MRPS22: variants seen among roughly 807,000 people sequenced by gnomAD.
MRPS22 encodes the protein mitochondrial ribosomal protein S22, also known as small ribosomal subunit protein mS22.
A neutral mutation model predicts 44.0 loss-of-function variants in MRPS22; 30 were observed. The ratio of observed to expected loss-of-function variants is 0.68; its 90% CI spans 0.51 to 0.93. The LOEUF (loss-of-function observed/expected upper bound fraction) is 0.93. MRPS22 is among the 40% of genes least tolerant of loss of function. The pLI, the probability that MRPS22 is intolerant of heterozygous loss-of-function variation, is 0.00. For synonymous variants in MRPS22, 165 were observed against 154.4 expected (o/e 1.07, Z -0.51); for missense variants, 447 against 447.8 (o/e 1.00, Z 0.02).
intron 1 of MRPS22, chr3:139,344,498 A>G (rs1941000772): frequency 4.9e-6 from 3 of 611,080 alleles, no homozygotes; most frequent in African/African-American, 1.8e-5. Context: ...TCCATGGGGA[A>G]TTGGCAGTGC....
At chr3:139,355,848 C>A in intron 7 of MRPS22, 58 bp downstream of exon 7, 1 of 1,254,538 alleles carries the variant, frequency 8.0e-7, no homozygotes, top group Non-Finnish European at 1.2e-6. Context: ...GGGAAAAATT[C>A]AGAATTGGGT....
At chr3:139,353,972 A>G (rs917468366) in intron 6 of MRPS22, among the ~76,000 whole-genome samples, 1 of 152,262 alleles carries the variant, frequency 6.6e-6, no homozygotes, top group African/African-American at 2.4e-5. Context: ...TTATTAGGAT[A>G]TATTAATGTA....
At chr3:139,350,535 C>A in intron 4 of MRPS22, 1 of 541,374 alleles carries the variant, frequency 1.8e-6, no homozygotes, top group Admixed American at 3.2e-5. Flanking sequence ...TCAAGTGATT[C>A]TTCTGCCTCA....
At chr3:139,356,697 G>GTGTT (rs1192797474) in intron 7 of MRPS22, among the ~76,000 whole-genome samples, 4 of 152,150 alleles carry the variant, frequency 2.6e-5, no homozygotes, top group African/African-American at 7.2e-5. Flanking sequence ...GATACTTCTG[G>GTGTT]TGTTTAGAAT....
At chr3:139,356,312 T>G (rs1941260622) in intron 7 of MRPS22, among the ~76,000 whole-genome samples, 2 of 152,232 alleles carry the variant, frequency 1.3e-5, no homozygotes, top group South Asian at 4.1e-4. Context: ...TGTACATTTA[T>G]CTGTAAGTGC....
Position 139,355,745 on chromosome 3 carries a change from TCAAGGGGC to T in MRPS22, c.948_955del (p.Ala317SerfsTer4). 6.2e-7 allele frequency: 1 copy of T among 1,614,172 alleles called. No homozygotes were observed. The highest frequency in any genetic ancestry group is 8.5e-7 in the Non-Finnish European group (1 of 1,180,014). On this transcript the variant is annotated frameshift_variant, in exon 7 of 8. Transcript: ENST00000680020. LOFTEE classifies it high-confidence loss of function. ...TGCTCCATCCAGATGGCCAGTCGGC[TCAAGGGGC>T]CAAGGATCAGGCTGCTGAGGGAATA...
chr3:139,356,611 TTCTC>T (rs763011820), intron 7 of MRPS22, among the ~76,000 whole-genome samples: 5 of 152,224 alleles, frequency 3.3e-5, no homozygotes, highest in Non-Finnish European at 7.3e-5. Flanking sequence ...GCCTCCAGAT[TTCTC>T]TCTAACCTAA....
In MRPS22 at chr3:139,355,768, C is replaced by T; in HGVS notation, c.965C>T (p.Ala322Val). 6.2e-7 allele frequency: 1 copy of T among 1,613,960 alleles called. No individual in the cohort carries two copies. The highest frequency in any genetic ancestry group is 8.5e-7 in the Non-Finnish European group (1 of 1,179,874). The change falls in exon 7 of 8, where the codon GCT (alanine) becomes GTT (valine). Residue 322 changes from alanine (A) to valine (V), a missense_variant. Ala to Val is a moderately conservative substitution (Grantham distance 64). Transcript: ENST00000680020. ...QSAQGAKDQAAEGINLIKVFA... is the reference protein window; with the variant it reads ...QSAQGAKDQAVEGINLIKVFA... The stretch of plus-strand genomic sequence containing the variant: ...GCTCAAGGGGCCAAGGATCAGGCTG[C>T]TGAGGGAATAAATTTAATCAAGGTA...
chr3:139,351,151 G>C, intron 5 of MRPS22, 91 bp downstream of exon 5: 2 of 947,670 alleles, frequency 2.1e-6, no homozygotes, highest in South Asian at 2.6e-5. Flanking sequence ...TGTAAGTTTT[G>C]ATACAGGGGA....
Position 139,355,688 on chromosome 3 carries a change from T to G in MRPS22, c.885T>G (p.Asp295Glu). The change falls in exon 7 of 8, where the codon GAT (aspartate) becomes GAG (glutamate). Residue 295 changes from aspartate to glutamate, a missense_variant. By Grantham distance (45) the Asp-to-Glu change is conservative. Coordinates refer to ENST00000680020, the MANE Select transcript of MRPS22 (RefSeq NM_020191.4). ...LIDQIQRDLIDDATNLVQLYH... is the reference protein window; with the variant it reads ...LIDQIQRDLIEDATNLVQLYH... ...TAAACCCTTTCATTCTCAGAATCGA[T>G]GATGCAACCAACTTGGTCCAGCTGT... The G allele has an allele frequency of 6.2e-7, 1 of 1,613,880 alleles. No individual in the cohort carries two copies. Among genetic ancestry groups the G allele is most frequent in the Non-Finnish European group, 8.5e-7 (1 of 1,179,768 alleles).
In MRPS22 at chr3:139,352,777, A is replaced by G. The variant is rs1218098973; in HGVS notation, c.863A>G (p.Gln288Arg). The G allele has an allele frequency of 1.2e-6, 2 of 1,613,370 alleles. No homozygotes were observed. Among genetic ancestry groups the G allele is most frequent in the Admixed American group, 1.7e-5 (1 of 60,014 alleles). ...AAGATTGATGGTTTGCTGATTGACC[A>G]GATTCAGAGAGATTTGTAAGTATGA... The part of the protein sequence containing the change: ...NKKIDGLLID[Q>R]IQRDLIDDAT... The change falls in exon 6 of 8, where the codon CAG becomes CGG. Residue 288 changes from glutamine (Q) to arginine (R), a missense_variant. Coordinates refer to ENST00000680020, the MANE Select transcript of MRPS22 (RefSeq NM_020191.4).
At chr3:139,356,345 AGGAAG>A (rs1387424683) in intron 7 of MRPS22, among the ~76,000 whole-genome samples, 2 of 152,210 alleles carry the variant, frequency 1.3e-5, no homozygotes, top group African/African-American at 2.4e-5. Context: ...TGATATTTTC[AGGAAG>A]GGAAGGGGAG....
rs1941240079 is a variant in MRPS22, at chr3:139,355,747, A to G, written c.944A>G (p.Gln315Arg). Residue 315 changes from glutamine (Q) to arginine (R), a missense_variant, in exon 7 of 8, where the codon CAA becomes CGA. By Grantham distance (43) the Gln-to-Arg change is conservative. Coordinates refer to ENST00000680020, the MANE Select transcript of MRPS22 (RefSeq NM_020191.4). ...CTCCATCCAGATGGCCAGTCGGCTC[A>G]AGGGGCCAAGGATCAGGCTGCTGAG... Reference protein sequence around the residue: ...HVLHPDGQSAQGAKDQAAEGI... With the variant: ...HVLHPDGQSARGAKDQAAEGI... 6.2e-7 allele frequency: 1 copy of G among 1,614,050 alleles called. No individual in the cohort carries two copies. The highest frequency in any genetic ancestry group is 1.7e-5 in the Admixed American group (1 of 60,012).
rs1656879119 is a variant in MRPS22 at position 139,357,102 on chromosome 3, A to AAAAG, written c.*90_*93dup. 9.2e-7 allele frequency: 1 copy of AAAAG among 1,090,164 alleles called. No individual in the cohort carries two copies. Among genetic ancestry groups the AAAAG allele is most frequent in the Admixed American group, 2.0e-5 (1 of 49,220 alleles). 67.5% of individuals were successfully genotyped at this position (1,090,164 alleles called of 1,614,324 possible). A position where few individuals can be genotyped will look rare whatever the true frequency, so the allele number is the denominator to read the frequency against. ...CTAAATGTTAAAAAATGGCCAGATT[A>AAAAG]AAAGATATCAATTTGTAGTTCTCCC... is the stretch of plus-strand genomic sequence containing the variant. On this transcript the variant is annotated 3_prime_UTR_variant, in exon 8 of 8. Coordinates refer to ENST00000680020, the MANE Select transcript of MRPS22 (RefSeq NM_020191.4).
chr3:139,357,113 A>C lies in MRPS22; in HGVS notation c.*99A>C. ...AAAATGGCCAGATTAAAAGATATCA[A>C]TTTGTAGTTCTCCCTACAAAGCAAA... On this transcript the variant is annotated 3_prime_UTR_variant, in exon 8 of 8. Transcript: ENST00000680020. 9.8e-7 allele frequency: 1 copy of C among 1,020,332 alleles called. No individual in the cohort carries two copies. Among genetic ancestry groups the C allele is most frequent in the Non-Finnish European group, 1.5e-6 (1 of 674,200 alleles). 63.2% of individuals were successfully genotyped at this position (1,020,332 alleles called of 1,614,324 possible).
intron 3 of MRPS22, 108 bp downstream of exon 3, chr3:139,348,432 C>G: frequency 1.8e-6 from 2 of 1,137,180 alleles, no homozygotes. Context: ...AACCAGATTT[C>G]CTCTGACTGG....
At chr3:139,349,302 TG>T (rs1225813214) in intron 3 of MRPS22, 1 of 444,854 alleles carries the variant, frequency 2.2e-6, no homozygotes, top group South Asian at 1.7e-5. Context: ...TATGTTGGCA[TG>T]TGCTTTTTTT....
chr3:139,347,128 G>A, intron 2 of MRPS22, 84 bp downstream of exon 2: 1 of 1,456,136 alleles, frequency 6.9e-7, no homozygotes, highest in Non-Finnish European at 9.6e-7. Flanking sequence ...GATGCTTATA[G>A]CTATTCTTCC....
chr3:139,346,715 C>T, intron 1 of MRPS22, 163 bp from the exon 2 acceptor site: 1 of 698,262 alleles, frequency 1.4e-6, no homozygotes, highest in Non-Finnish European at 2.5e-6. Flanking sequence ...CTCAGTAAAT[C>T]TTAAATGAAG....
Sources: allele counts gnomAD v4.1 joint callset (sites outside exome capture counted in the v4.1 genomes callset), GRCh38; gene constraint gnomAD v4.1.1; transcripts MANE v1.5; gene names NCBI Gene and HGNC (gene_info 2026-07-23, HGNC 2026-07-21).